SLC22A25: variants seen among roughly 807,000 people sequenced by gnomAD.
SLC22A25 encodes MGI:2442751, MGI:2385316, MGI:3042283, MGI:3645714, MGI:3605624, MGI:2442750.
Under a neutral mutation model 45.9 loss-of-function variants are expected in SLC22A25, and 44 were observed. That is an observed-to-expected ratio of 0.96 (90% CI 0.75 to 1.23). The LOEUF (loss-of-function observed/expected upper bound fraction) is 1.23. Among genes scored for constraint, SLC22A25 ranks in the 50% most tolerant of loss-of-function variants. SLC22A25 has a pLI of 0.00. For synonymous variants in SLC22A25, 283 were observed against 238.6 expected (o/e 1.19, Z -1.72); for missense variants, 800 against 666.4 (o/e 1.20, Z -2.21).
At chr11:63,235,806 T>C (rs189093156) in intron 3 of SLC22A25, among the ~76,000 whole-genome samples, 5 of 152,332 alleles carry the variant, frequency 3.3e-5, no homozygotes, top group African/African-American at 9.6e-5. Context: ...GATGGTGACG[T>C]ACAGATGGGT....
intron 9 of SLC22A25, among the ~76,000 whole-genome samples, chr11:63,170,985 C>T (rs920978950): frequency 6.6e-6 from 1 of 152,166 alleles, no homozygotes; most frequent in African/African-American, 2.4e-5. Context: ...AGGCTTTATC[C>T]CTGGGATGCA....
chr11:63,231,576 T>G lies in SLC22A25; in HGVS notation c.-444-1480A>C, dbSNP rs571771850. Among the ~76,000 whole-genome samples the G allele has an allele frequency of 5.1e-3, 771 of 152,198 alleles. 6 individuals carry two copies. Among genetic ancestry groups the G allele is most frequent in the African/African-American group, 0.016 (682 of 41,522 alleles). ...TTTGTCAGATGAGTAGATTGCAAAA[T>G]TTTGCTCCCATTCTGTAGGTTGCCT... On this transcript the variant is annotated intron_variant, in intron 3 of 11. Coordinates refer to ENST00000306494, the MANE Select transcript of SLC22A25 (RefSeq NM_199352.6).
intron 7 of SLC22A25, among the ~76,000 whole-genome samples, chr11:63,185,301 C>A (rs1263909233): frequency 6.6e-6 from 1 of 151,916 alleles, no homozygotes; most frequent in Admixed American, 6.6e-5. Context: ...CCTCACCCCA[C>A]AACAGGCCCT....
rs550196772 is a variant in SLC22A25 at position 63,164,420 on chromosome 11, G to A, written c.1394+106C>T. The A allele has an allele frequency of 9.6e-5, 95 of 989,600 alleles. No homozygotes were observed. In the South Asian group the frequency reaches 9.7e-4, roughly 10 times the overall value. The allele number at this position is 989,600 out of a possible 1,614,324, so 61.3% of individuals were successfully genotyped here. On this transcript the variant is annotated intron_variant, in intron 11 of 11. Transcript: ENST00000306494. ...TGTTGTTTTTATGACTATTACATTT[G>A]ATTGTTTTTTAACTAACTTGTCTTG...
intron 1 of SLC22A25, among the ~76,000 whole-genome samples, chr11:63,239,778 T>C (rs559279176): frequency 3.3e-5 from 5 of 152,304 alleles, no homozygotes; most frequent in African/African-American, 9.6e-5. Context: ...AAGCTCATTT[T>C]TCTAGGCTTG....
At chr11:63,172,836 A>G (rs756466525) in intron 9 of SLC22A25, among the ~76,000 whole-genome samples, 1 of 152,054 alleles carries the variant, frequency 6.6e-6, no homozygotes, top group Non-Finnish European at 1.5e-5. Flanking sequence ...AGAAAAAGAA[A>G]TACCATTGGA....
Position 63,188,822 on chromosome 11 carries a change from G to A in SLC22A25, c.831-5005C>T, listed in dbSNP as rs192865333. ...TTATGTACTCAGTAGTCATTCAAAA[G>A]CAGGTTGTTCAGTTTCCATGTAGTT... On this transcript the variant is annotated intron_variant, in intron 7 of 11. Coordinates refer to ENST00000306494, the MANE Select transcript of SLC22A25 (RefSeq NM_199352.6). 2.0e-3 allele frequency among the ~76,000 whole-genome samples: 312 copies of A among 152,300 alleles called. 6 individuals are homozygous for A. The highest frequency in any genetic ancestry group is 6.3e-3 in the African/African-American group (262 of 41,564).
Position 63,161,839 on chromosome 11 carries a change from T to A in SLC22A25, c.*1985A>T, listed in dbSNP as rs1412477887. Among the ~76,000 whole-genome samples, 1 of 152,124 alleles carries A rather than the reference T, an allele frequency of 6.6e-6. No individual in the cohort carries two copies. Among genetic ancestry groups the A allele is most frequent in the Non-Finnish European group, 1.5e-5 (1 of 67,990 alleles). On this transcript the variant is annotated 3_prime_UTR_variant, in exon 12 of 12. Transcript: ENST00000306494. Reference sequence around the variant, plus strand: ...CTCTATTTTTAATTTTTTTGAGGAATCTCCAAACTCTTCTCCATAGTGATT... The same window carrying A: ...CTCTATTTTTAATTTTTTTGAGGAAACTCCAAACTCTTCTCCATAGTGATT...
chr11:63,217,337 G>A lies in SLC22A25; in HGVS notation c.807C>T (p.Cys269=), dbSNP rs2089738186. 1 of 1,613,666 alleles carries A rather than the reference G, an allele frequency of 6.2e-7. No homozygotes were observed. Among genetic ancestry groups the A allele is most frequent in the Non-Finnish European group, 8.5e-7 (1 of 1,179,952 alleles). ...CILQLVMSAP[C]FVFFLFSRWL... ...ACCTTGAGAACAGAAAGAAGACAAA[G>A]CATGGTGCAGACATCACCAACTGGA... Residue 269 remains cysteine, a synonymous_variant, in exon 7 of 12, where the codon TGC becomes TGT. Coordinates refer to ENST00000306494, the MANE Select transcript of SLC22A25 (RefSeq NM_199352.6).
intron 7 of SLC22A25, among the ~76,000 whole-genome samples, chr11:63,203,375 G>A (rs1257022168): frequency 1.3e-5 from 2 of 151,930 alleles, no homozygotes; most frequent in East Asian, 1.9e-4. Flanking sequence ...AAAGGAGCAT[G>A]TTCTAACCCA....
intron 7 of SLC22A25, among the ~76,000 whole-genome samples, chr11:63,209,167 T>C (rs960398631): frequency 3.3e-5 from 5 of 152,126 alleles, no homozygotes; most frequent in Admixed American, 3.3e-4. Context: ...ACAACCAGGA[T>C]ACCCAGACCA....
At chr11:63,215,282 G>A (rs533233995) in intron 7 of SLC22A25, among the ~76,000 whole-genome samples, 1 of 152,284 alleles carries the variant, frequency 6.6e-6, no homozygotes, top group South Asian at 2.1e-4. Context: ...GTCCTTTGCA[G>A]GGACATGGAT....
Position 63,229,425 on chromosome 11 carries a change from G to A in SLC22A25, c.228C>T (p.Ser76=). 6.2e-7 allele frequency: 1 copy of A among 1,614,126 alleles called. No individual in the cohort carries two copies. Among genetic ancestry groups the A allele is most frequent in the Non-Finnish European group, 8.5e-7 (1 of 1,179,972 alleles). The change falls in exon 4 of 12, where the codon TCC becomes TCT. Residue 76 remains serine (S), a synonymous_variant. Transcript: ENST00000306494. ...GCCTCAGATTTGAGTCGAATGGGAT[G>A]GAGATTCTCAGGAGGGCATCCTGGC... ...TLSQDALLRI[S]IPFDSNLRPE... is the part of the protein sequence containing the mutation.
intron 7 of SLC22A25, among the ~76,000 whole-genome samples, chr11:63,194,793 AT>A (rs2088946549): frequency 1.3e-5 from 2 of 151,304 alleles, no homozygotes; most frequent in Non-Finnish European, 2.9e-5. Context: ...GTCAAGACTC[AT>A]CAGTGTGTTG....
rs373276950 is a variant in SLC22A25, at chr11:63,184,214, C to T, written c.831-397G>A. On this transcript the variant is annotated intron_variant, in intron 7 of 11. Coordinates refer to ENST00000306494, the MANE Select transcript of SLC22A25 (RefSeq NM_199352.6). ...TGAAATAATTGATGTATGCTTGAGG[C>T]CTCATAGAGACTAGATTCATTTCTG... Among the ~76,000 whole-genome samples the T allele has an allele frequency of 9.2e-5, 14 of 152,210 alleles. No homozygotes were observed. The South Asian group carries it at 1.9e-3, about 20-fold the overall frequency.
At chr11:63,241,314 T>C (rs781122344) in intron 1 of SLC22A25, among the ~76,000 whole-genome samples, 2 of 152,196 alleles carry the variant, frequency 1.3e-5, no homozygotes, top group African/African-American at 4.8e-5. Context: ...TTTGCTTGCA[T>C]TGGAGAGGCT....
chr11:63,209,048 C>A (rs539322380), intron 7 of SLC22A25, among the ~76,000 whole-genome samples: 5 of 152,066 alleles, frequency 3.3e-5, no homozygotes, highest in Non-Finnish European at 5.9e-5. Context: ...AAATTAAGGA[C>A]GTATTGTGAG....
intron 7 of SLC22A25, among the ~76,000 whole-genome samples, chr11:63,190,682 C>T (rs2134753636): frequency 6.6e-6 from 1 of 152,206 alleles, no homozygotes; most frequent in Admixed American, 6.5e-5. Flanking sequence ...GTGGTTTTAT[C>T]TACCTTTGCT....
Position 63,185,244 on chromosome 11 carries a change from G to A in SLC22A25, c.831-1427C>T, listed in dbSNP as rs867637120. On this transcript the variant is annotated intron_variant, in intron 7 of 11. Transcript: ENST00000306494. ...GTTGGTGTGCTGCACCCATTAACTC[G>A]TCATTTAACATTAGTTATATCTCCT... Among the ~76,000 whole-genome samples the A allele has an allele frequency of 9.9e-5, 15 of 151,800 alleles. 1 individual carries two copies. The highest frequency in any genetic ancestry group is 4.2e-4 in the South Asian group (2 of 4,806).
Sources: allele counts gnomAD v4.1 joint callset (sites outside exome capture counted in the v4.1 genomes callset), GRCh38; gene constraint gnomAD v4.1.1; transcripts MANE v1.5; gene names NCBI Gene and HGNC (gene_info 2026-07-23, HGNC 2026-07-21).